Variants in GALNTL6 observed in about 807,000 individuals in gnomAD.
The protein encoded by GALNTL6 is polypeptide N-acetylgalactosaminyltransferase-like 6.
GALNTL6 carries 46 observed loss-of-function variants against 73.7 expected under a neutral mutation model. That is an observed-to-expected ratio of 0.62 (90% confidence interval 0.49 to 0.80). The LOEUF (loss-of-function observed/expected upper bound fraction) is 0.80, where lower values mean the gene tolerates loss of function less well. Ranked by LOEUF, GALNTL6 falls within the 30% of genes least tolerant of loss-of-function variation. The pLI, the probability that GALNTL6 is intolerant of heterozygous loss-of-function variation, is 0.00. For missense variants in GALNTL6, 604 were observed against 755.0 expected (o/e 0.80, Z 2.34); for synonymous variants, 259 against 263.7 (o/e 0.98, Z 0.17).
chr4:171,814,174 G>A (rs1186824222), intron 1 of GALNTL6, among the ~76,000 whole-genome samples, 184 bp downstream of exon 1: 1 of 152,084 alleles, frequency 6.6e-6, no homozygotes, highest in East Asian at 1.9e-4. Context: ...AGGAGGTGGG[G>A]GGCGAACAAC....
intron 5 of GALNTL6, among the ~76,000 whole-genome samples, chr4:172,680,007 C>G (rs1359343606): frequency 6.6e-6 from 1 of 151,978 alleles, no homozygotes; most frequent in East Asian, 1.9e-4. Context: ...ATTCTATTGT[C>G]ACTTTGTAAC....
intron 2 of GALNTL6, among the ~76,000 whole-genome samples, chr4:172,077,262 A>C (rs2110914148): frequency 6.6e-6 from 1 of 152,322 alleles, no homozygotes; most frequent in East Asian, 1.9e-4. Flanking sequence ...TAACAGGCAG[A>C]GTTTGAAACA....
intron 5 of GALNTL6, among the ~76,000 whole-genome samples, chr4:172,648,607 T>C (rs1232112263): frequency 6.6e-6 from 1 of 152,140 alleles, no homozygotes; most frequent in Non-Finnish European, 1.5e-5. Flanking sequence ...AATCAGGACA[T>C]ACCCAAAGAC....
At chr4:172,352,561 G>A (rs999271513) in intron 5 of GALNTL6, among the ~76,000 whole-genome samples, 16 of 152,218 alleles carry the variant, frequency 1.1e-4, no homozygotes, top group East Asian at 5.8e-4. Context: ...CAACCTTAAC[G>A]GCATCCACAT....
intron 2 of GALNTL6, among the ~76,000 whole-genome samples, chr4:171,988,867 C>G (rs1220826254): frequency 6.6e-6 from 1 of 151,900 alleles, no homozygotes; most frequent in Non-Finnish European, 1.5e-5. Context: ...GTGTCTTATA[C>G]TTGTGGCTTA....
chr4:171,977,002 C>T (rs772414973), intron 2 of GALNTL6, among the ~76,000 whole-genome samples: 10 of 152,144 alleles, frequency 6.6e-5, no homozygotes, highest in Non-Finnish European at 1.3e-4. Flanking sequence ...AAAACTGCAA[C>T]TAGAAACTAA....
intron 2 of GALNTL6, among the ~76,000 whole-genome samples, chr4:171,976,162 A>T (rs1371845797): frequency 6.6e-6 from 1 of 152,182 alleles, no homozygotes; most frequent in East Asian, 1.9e-4. Context: ...ACCTCAAGTA[A>T]TTCTTCCACC....
At chr4:172,570,327 C>G (rs1471632778) in intron 5 of GALNTL6, among the ~76,000 whole-genome samples, 1 of 152,224 alleles carries the variant, frequency 6.6e-6, no homozygotes, top group Admixed American at 6.5e-5. Context: ...AAAGGATAAC[C>G]AGTGGGGCTA....
rs527665763 is a variant in GALNTL6 at position 172,260,921 on chromosome 4, A to G, written c.247+31157A>G. Among the ~76,000 whole-genome samples the G allele has an allele frequency of 3.3e-5, 5 of 151,532 alleles. No homozygotes were observed. In the South Asian group the frequency reaches 1.0e-3, roughly 31 times the overall value. ...GTATCACAATTATTGACTTGTGAATATTAAGCCATCCCTGCATCCCTGGTG... is the reference window on the plus strand; with the variant it reads ...GTATCACAATTATTGACTTGTGAATGTTAAGCCATCCCTGCATCCCTGGTG... On this transcript the variant is annotated intron_variant, in intron 3 of 12. Coordinates refer to ENST00000506823, the MANE Select transcript of GALNTL6 (RefSeq NM_001034845.3).
At chr4:172,518,072 A>G (rs1455113271) in intron 5 of GALNTL6, among the ~76,000 whole-genome samples, 2 of 152,000 alleles carry the variant, frequency 1.3e-5, no homozygotes, top group Middle Eastern at 6.3e-3. Flanking sequence ...AAGGCTTTTA[A>G]GACTATAAAT....
chr4:172,792,811 C>T (rs1740071966), intron 5 of GALNTL6, among the ~76,000 whole-genome samples: 1 of 151,190 alleles, frequency 6.6e-6, no homozygotes, highest in Admixed American at 6.6e-5. Context: ...TTATTCCATG[C>T]TTTTTTATTC....
chr4:172,184,083 T>C lies in GALNTL6; in HGVS notation c.139-45573T>C, dbSNP rs1735344100. On this transcript the variant is annotated intron_variant, in intron 2 of 12. Coordinates refer to ENST00000506823, the MANE Select transcript of GALNTL6 (RefSeq NM_001034845.3). ...GGGATTACAGGCATGAGCCACCGCA[T>C]CCGGCCGCAGACTATTTTTTAATGC... Among the ~76,000 whole-genome samples the C allele has an allele frequency of 1.3e-5, 2 of 152,136 alleles. 1 individual carries two copies. Among genetic ancestry groups the C allele is most frequent in the South Asian group, 4.1e-4 (2 of 4,832 alleles).
chr4:172,798,630 T>G (rs1267914951), intron 5 of GALNTL6, among the ~76,000 whole-genome samples: 1 of 152,212 alleles, frequency 6.6e-6, no homozygotes, highest in Non-Finnish European at 1.5e-5. Context: ...AAGAACAGAC[T>G]AATAGTAAGT....
intron 3 of GALNTL6, among the ~76,000 whole-genome samples, chr4:172,254,448 C>A (rs899131743): frequency 1.7e-4 from 25 of 148,660 alleles, no homozygotes; most frequent in Admixed American, 5.4e-4. Context: ...TACAGAAAAC[C>A]ATTTTCCTCT....
At chr4:172,004,060 C>A (rs1740755502) in intron 2 of GALNTL6, among the ~76,000 whole-genome samples, 1 of 152,094 alleles carries the variant, frequency 6.6e-6, no homozygotes, top group African/African-American at 2.4e-5. Context: ...GAGGATACAA[C>A]TGTTTGCATA....
At chr4:171,888,134 CA>C (rs2110921777) in intron 2 of GALNTL6, among the ~76,000 whole-genome samples, 1 of 152,024 alleles carries the variant, frequency 6.6e-6, no homozygotes, top group African/African-American at 2.4e-5. Flanking sequence ...TGCTTGTTGA[CA>C]TTACTGCAAT....
intron 2 of GALNTL6, among the ~76,000 whole-genome samples, chr4:172,121,294 T>TGA (rs1733144573): frequency 6.7e-6 from 1 of 149,024 alleles, no homozygotes; most frequent in South Asian, 2.1e-4. Context: ...TGTGTGTGTG[T>TGA]GTAAGTTTGT....
chr4:171,893,156 C>T (rs963790975), intron 2 of GALNTL6, among the ~76,000 whole-genome samples: 3 of 152,274 alleles, frequency 2.0e-5, no homozygotes, highest in African/African-American at 7.2e-5. Flanking sequence ...AGTGCCTAAG[C>T]AGAAATTCAA....
chr4:171,936,622 T>C (rs370329722), intron 2 of GALNTL6, among the ~76,000 whole-genome samples: 25 of 152,240 alleles, frequency 1.6e-4, no homozygotes, highest in African/African-American at 6.0e-4. Flanking sequence ...ATTCTTCCCA[T>C]AAAAGGGCTA....
Sources: allele counts gnomAD v4.1 joint callset (sites outside exome capture counted in the v4.1 genomes callset), GRCh38; gene constraint gnomAD v4.1.1; transcripts MANE v1.5; gene names NCBI Gene and HGNC (gene_info 2026-07-23, HGNC 2026-07-21).